ST7: variants seen among roughly 807,000 people sequenced by gnomAD.
ST7 encodes suppression of tumorigenicity 7.
Under a neutral mutation model 78.7 loss-of-function variants are expected in ST7, and 28 were observed. That is an observed-to-expected ratio of 0.36 (90% confidence interval 0.26 to 0.49). The LOEUF (loss-of-function observed/expected upper bound fraction) is 0.49, where lower values mean the gene tolerates loss of function less well. Among genes scored for constraint, ST7 ranks in the 20% least tolerant of loss-of-function variants. The pLI is 0.99. For synonymous variants in ST7, 247 were observed against 249.6 expected, an observed-to-expected ratio of 0.99 and a Z score of 0.10; for missense variants, 418 against 696.0, an observed-to-expected ratio of 0.60 and a Z score of 4.49.
At chr7:117,222,378 T>G (rs574780983) in intron 15 of ST7, among the ~76,000 whole-genome samples, 8 of 152,338 alleles carry the variant, frequency 5.3e-5, no homozygotes, top group Admixed American at 5.2e-4. Context: ...GTTACTCGGT[T>G]TTCTGTAAAT....
At chr7:116,984,250 A>G (rs1794094513) in intron 1 of ST7, among the ~76,000 whole-genome samples, 1 of 152,138 alleles carries the variant, frequency 6.6e-6, no homozygotes, top group Non-Finnish European at 1.5e-5. Flanking sequence ...TGGCCTGTCA[A>G]TCTGAGACTT....
chr7:117,011,551 G>A (rs1191958686), intron 1 of ST7, among the ~76,000 whole-genome samples: 1 of 152,206 alleles, frequency 6.6e-6, no homozygotes, highest in South Asian at 2.1e-4. Flanking sequence ...AGATCAGAGA[G>A]GTAATGAGTG....
intron 10 of ST7, among the ~76,000 whole-genome samples, chr7:117,185,596 A>G (rs946777538): frequency 1.3e-5 from 2 of 152,318 alleles, no homozygotes; most frequent in East Asian, 3.9e-4. Flanking sequence ...ATTTTTTCAT[A>G]TACATATGTA....
At chr7:116,967,598 G>A (rs970404927) in intron 1 of ST7, 7 of 349,606 alleles carry the variant, frequency 2.0e-5, no homozygotes, top group Admixed American at 7.4e-5. Context: ...TAGCAAAAAG[G>A]TCAACAGTCA....
intron 9 of ST7, among the ~76,000 whole-genome samples, chr7:117,161,591 C>CTTTTTTTTTTTTTTTTTTTT (rs60505994): frequency 3.8e-4 from 43 of 113,560 alleles, no homozygotes; most frequent in Non-Finnish European, 6.0e-4. Context: ...TTCTTTCTTT[C>CTTTTTTTTTTTTTTTTTTTT]TTTTTTTTTT....
chr7:117,103,480 A>C (rs777766031), intron 2 of ST7, among the ~76,000 whole-genome samples: 6 of 152,222 alleles, frequency 3.9e-5, no homozygotes, highest in Non-Finnish European at 8.8e-5. Flanking sequence ...CGACAAAGGC[A>C]CTGAGAACGT....
intron 1 of ST7, among the ~76,000 whole-genome samples, chr7:116,987,908 G>T (rs1298289078): frequency 1.3e-5 from 2 of 152,264 alleles, no homozygotes; most frequent in East Asian, 1.9e-4. Context: ...TGTGTTTTTG[G>T]TAGAGACAGG....
intron 1 of ST7, among the ~76,000 whole-genome samples, chr7:116,978,063 T>C (rs1300270474): frequency 6.6e-6 from 1 of 152,182 alleles, no homozygotes; most frequent in African/African-American, 2.4e-5. Flanking sequence ...CTTTTACCAT[T>C]CTCATTCTCA....
intron 1 of ST7, among the ~76,000 whole-genome samples, chr7:116,992,909 CA>C (rs1014840204): frequency 1.3e-5 from 2 of 152,224 alleles, no homozygotes; most frequent in Non-Finnish European, 2.9e-5. Flanking sequence ...ATCTCTTAGG[CA>C]GGGGCAAAGT....
chr7:117,012,166 A>T (rs1020730979), intron 1 of ST7, among the ~76,000 whole-genome samples: 11 of 152,188 alleles, frequency 7.2e-5, no homozygotes, highest in African/African-American at 2.2e-4. Context: ...TCTCTGTTCA[A>T]TTTTTTCATA....
intron 12 of ST7, among the ~76,000 whole-genome samples, chr7:117,195,299 T>C (rs557588927): frequency 3.5e-4 from 53 of 152,288 alleles, no homozygotes; most frequent in African/African-American, 1.3e-3. Flanking sequence ...AAGTATTTTA[T>C]CCGTGTGCCT....
chr7:117,064,353 A>G (rs1159733346), intron 1 of ST7, among the ~76,000 whole-genome samples: 2 of 152,216 alleles, frequency 1.3e-5, no homozygotes, highest in African/African-American at 4.8e-5. Context: ...TTAAAAAACT[A>G]CTTCCCTATG....
At chr7:117,144,941 G>A (rs1034508166) in intron 9 of ST7, among the ~76,000 whole-genome samples, 11 of 152,180 alleles carry the variant, frequency 7.2e-5, no homozygotes, top group Non-Finnish European at 1.2e-4. Flanking sequence ...GCTCACGCCT[G>A]TAATCCCAGC....
chr7:117,082,590 C>T (rs17529688), intron 1 of ST7, among the ~76,000 whole-genome samples: 3,987 of 152,246 alleles, frequency 0.026, 63 homozygotes, highest in Middle Eastern at 0.048. Flanking sequence ...GCTTCTTAAG[C>T]GGGGCTCATA....
At chr7:117,117,210 C>T (rs562264789) in intron 2 of ST7, among the ~76,000 whole-genome samples, 129 of 152,222 alleles carry the variant, frequency 8.5e-4, no homozygotes, top group South Asian at 2.5e-3. Context: ...TCCTTTTTAG[C>T]GCTGACACTT....
At chr7:116,968,196 A>G (rs1793222168) in intron 1 of ST7, among the ~76,000 whole-genome samples, 1 of 151,564 alleles carries the variant, frequency 6.6e-6, no homozygotes, top group African/African-American at 2.4e-5. Context: ...TTTTTCTAAT[A>G]TTCACTTTTT....
At chr7:117,141,117 A>G (rs1336960503) in intron 9 of ST7, among the ~76,000 whole-genome samples, 2 of 152,240 alleles carry the variant, frequency 1.3e-5, no homozygotes, top group Admixed American at 6.5e-5. Flanking sequence ...CTGATAAAAT[A>G]GCTCAGTAGA....
At chr7:117,191,084 C>A in intron 12 of ST7, 148 bp downstream of exon 12, 1 of 651,368 alleles carries the variant, frequency 1.5e-6, no homozygotes, top group Non-Finnish European at 2.6e-6. Context: ...TGGGCATTAG[C>A]CTCATTTTAA....
intron 1 of ST7, among the ~76,000 whole-genome samples, chr7:117,006,773 TCATGTCTCTGACTCA>T (rs1380309911): frequency 1.3e-5 from 2 of 152,224 alleles, no homozygotes; most frequent in African/African-American, 4.8e-5. Context: ...CATGCTCACT[TCATGTCTCTGACTCA>T]CATTTTGGTA....
Sources: allele counts gnomAD v4.1 joint callset (sites outside exome capture counted in the v4.1 genomes callset), GRCh38; gene constraint gnomAD v4.1.1; transcripts MANE v1.5; gene names NCBI Gene and HGNC (gene_info 2026-07-23, HGNC 2026-07-21).